Variants in MAPKAP1 observed in about 807,000 individuals in gnomAD.
MAPKAP1 encodes target of rapamycin complex 2 subunit MAPKAP1.
In MAPKAP1, 20 loss-of-function variants were observed where a neutral mutation model predicts 65.7. The ratio of observed to expected loss-of-function variants is 0.30; its 90% CI spans 0.21 to 0.44. The LOEUF (loss-of-function observed/expected upper bound fraction) is 0.44. Among genes scored for constraint, MAPKAP1 ranks in the 20% least tolerant of loss-of-function variants. The pLI, the probability that MAPKAP1 is intolerant of heterozygous loss-of-function variation, is 1.00. For synonymous variants in MAPKAP1, 222 were observed against 244.3 expected, an observed-to-expected ratio of 0.91 and a Z score of 0.85; for missense variants, 423 against 648.0, an observed-to-expected ratio of 0.65 and a Z score of 3.77.
At chr9:125,463,273 T>C (rs141432991) in intron 10 of MAPKAP1, among the ~76,000 whole-genome samples, 6 of 152,368 alleles carry the variant, frequency 3.9e-5, no homozygotes, top group Non-Finnish European at 7.3e-5. Context: ...CAGCCTGGAC[T>C]TACCTATGTC....
chr9:125,557,678 T>A (rs1383117935), intron 6 of MAPKAP1, among the ~76,000 whole-genome samples: 2 of 152,152 alleles, frequency 1.3e-5, no homozygotes, highest in Admixed American at 1.3e-4. Context: ...AATCTAAATA[T>A]TCTGTGATCG....
intron 5 of MAPKAP1, among the ~76,000 whole-genome samples, chr9:125,570,441 A>G (rs1287526799): frequency 2.0e-5 from 3 of 152,234 alleles, no homozygotes; most frequent in Admixed American, 2.0e-4. Context: ...GGAGTTAGAC[A>G]TGCCCCCAGC....
intron 3 of MAPKAP1, among the ~76,000 whole-genome samples, chr9:125,669,249 G>A (rs560830808): frequency 4.6e-5 from 7 of 151,602 alleles, no homozygotes; most frequent in South Asian, 2.1e-4. Context: ...AGGAGGCCAC[G>A]GTGGGTGGAT....
intron 4 of MAPKAP1, among the ~76,000 whole-genome samples, chr9:125,627,592 CTTT>C (rs1350522619): frequency 6.6e-6 from 1 of 152,054 alleles, no homozygotes; most frequent in East Asian, 1.9e-4. Context: ...TCACCTAACT[CTTT>C]TTTATTTTTT....
Position 125,595,885 on chromosome 9 carries a change from T to C in MAPKAP1, c.499-10158A>G. Reference sequence around the variant, plus strand: ...TGGAGGAGGTGGATGCAGCCATGAATGCAAGGCCACACAAGGTGGATCGGA... The same window carrying C: ...TGGAGGAGGTGGATGCAGCCATGAACGCAAGGCCACACAAGGTGGATCGGA... On this transcript the variant is annotated intron_variant, in intron 4 of 11. Coordinates refer to ENST00000265960, the MANE Select transcript of MAPKAP1 (RefSeq NM_001006617.3). This position sits in a 1 kb window ranked among gnomAD's most constrained non-coding sequence, Gnocchi z 4.0. The C allele has an allele frequency of 8.5e-7, 1 of 1,181,756 alleles. No individual in the cohort carries two copies. Among genetic ancestry groups the C allele is most frequent in the Admixed American group, 1.7e-5 (1 of 59,524 alleles). 73.2% of individuals were successfully genotyped at this position (1,181,756 alleles called of 1,614,324 possible).
At chr9:125,672,699 T>C in intron 1 of MAPKAP1, 56 bp from the exon 2 acceptor site, 3 of 1,121,008 alleles carry the variant, frequency 2.7e-6, no homozygotes, top group African/African-American at 1.5e-5. Flanking sequence ...AATGACTGAA[T>C]CATTTTTCAG....
chr9:125,671,383 T>G (rs1834493701), intron 2 of MAPKAP1, among the ~76,000 whole-genome samples: 1 of 152,172 alleles, frequency 6.6e-6, no homozygotes, highest in Non-Finnish European at 1.5e-5. Context: ...CCAATATTCC[T>G]TTATGTGTGT....
rs1360150666 is a variant in MAPKAP1, at chr9:125,595,759, G to A, written c.499-10032C>T. 1 of 1,302,996 alleles carries A rather than the reference G, an allele frequency of 7.7e-7. No homozygotes were observed. The highest frequency in any genetic ancestry group is 1.1e-6 in the Non-Finnish European group (1 of 915,320). The allele number at this position is 1,302,996 out of a possible 1,614,324, so 80.7% of individuals were successfully genotyped here. ...TTGAAACAACCAATGAGAGCAAGAG[G>A]AGCCATTGTGAGCAATGGGGAACGC... On this transcript the variant is annotated intron_variant, in intron 4 of 11. Coordinates refer to ENST00000265960, the MANE Select transcript of MAPKAP1 (RefSeq NM_001006617.3). This position sits in a 1 kb window ranked among gnomAD's most constrained non-coding sequence, Gnocchi z 4.0.
intron 7 of MAPKAP1, among the ~76,000 whole-genome samples, chr9:125,535,696 T>A (rs1830055278): frequency 6.6e-6 from 1 of 152,248 alleles, no homozygotes; most frequent in African/African-American, 2.4e-5. Context: ...TAGATTTTCA[T>A]TTTTTAAAAC....
chr9:125,663,120 C>T lies in MAPKAP1; in HGVS notation c.350-5321G>A, dbSNP rs140599302. ...GGAAAAGAAGTCACATATCACATCA[C>T]TACTCTGATCAAATCACCTCAGAGA... On this transcript the variant is annotated intron_variant, in intron 3 of 11. Transcript: ENST00000265960. Among the ~76,000 whole-genome samples the T allele has an allele frequency of 4.9e-4, 74 of 152,282 alleles. 1 individual carries two copies. In the East Asian group the frequency reaches 0.011, roughly 23 times the overall value.
chr9:125,492,385 A>G (rs1854769055), intron 8 of MAPKAP1, among the ~76,000 whole-genome samples: 1 of 152,246 alleles, frequency 6.6e-6, no homozygotes. Flanking sequence ...GTGCAGTTAT[A>G]GCTGTGTATA....
intron 1 of MAPKAP1, among the ~76,000 whole-genome samples, chr9:125,701,269 T>G (rs1209768166): frequency 6.6e-6 from 1 of 152,224 alleles, no homozygotes; most frequent in Non-Finnish European, 1.5e-5. Flanking sequence ...TTTTGAAGTT[T>G]TACACATTCA....
intron 4 of MAPKAP1, among the ~76,000 whole-genome samples, chr9:125,622,455 T>C (rs1832934016): frequency 6.6e-6 from 1 of 152,152 alleles, no homozygotes; most frequent in Non-Finnish European, 1.5e-5. Context: ...TTTTATTTTA[T>C]TTTTTCCTGA....
intron 2 of MAPKAP1, 102 bp downstream of exon 2, chr9:125,672,214 C>T (rs547556388): frequency 1.4e-4 from 186 of 1,328,982 alleles, no homozygotes; most frequent in South Asian, 5.7e-4. Flanking sequence ...TATTAATACC[C>T]GGAAACATCC....
At chr9:125,523,159 C>T (rs1318910187) in intron 7 of MAPKAP1, among the ~76,000 whole-genome samples, 1 of 152,194 alleles carries the variant, frequency 6.6e-6, no homozygotes, top group Non-Finnish European at 1.5e-5. Flanking sequence ...CTTTACATCT[C>T]ATTCAGTTAA....
intron 5 of MAPKAP1, among the ~76,000 whole-genome samples, chr9:125,583,321 T>C (rs947571691): frequency 7.9e-5 from 12 of 152,214 alleles, no homozygotes; most frequent in African/African-American, 2.9e-4. Flanking sequence ...CACGACTCCA[T>C]TTTCACCCCC....
chr9:125,647,590 T>C (rs1833765086), intron 4 of MAPKAP1, among the ~76,000 whole-genome samples: 1 of 152,228 alleles, frequency 6.6e-6, no homozygotes, highest in Non-Finnish European at 1.5e-5. Context: ...CAGGTGCACC[T>C]AATGTCATGG....
intron 6 of MAPKAP1, among the ~76,000 whole-genome samples, chr9:125,547,247 G>A (rs987844617): frequency 6.6e-6 from 1 of 152,130 alleles, no homozygotes; most frequent in South Asian, 2.1e-4. Flanking sequence ...TGGGAGCCAC[G>A]GAGCCCACAG....
chr9:125,693,632 T>C (rs1053859122), intron 1 of MAPKAP1, among the ~76,000 whole-genome samples: 31 of 145,112 alleles, frequency 2.1e-4, no homozygotes, highest in African/African-American at 7.6e-4. Context: ...TATATACACA[T>C]ATACACACAC....
Sources: allele counts gnomAD v4.1 joint callset (sites outside exome capture counted in the v4.1 genomes callset), GRCh38; gene constraint gnomAD v4.1.1; non-coding constraint Gnocchi (gnomAD v3.1); transcripts MANE v1.5; gene names NCBI Gene and HGNC (gene_info 2026-07-23, HGNC 2026-07-21).